The following FUS variants were observed in gnomAD, a reference collection of about 807,000 sequenced individuals.
FUS encodes RNA-binding protein FUS.
A neutral mutation model predicts 82.7 loss-of-function variants in FUS; 5 were observed. The ratio of observed to expected loss-of-function variants is 0.06; its 90% CI spans 0.03 to 0.13. FUS has a LOEUF of 0.13. FUS is among the 10% of genes least tolerant of loss of function. The pLI is 1.00. For synonymous variants in FUS, 281 were observed against 247.4 expected (o/e 1.14, Z -1.27); for missense variants, 512 against 707.8 (o/e 0.72, Z 3.14).
intron 10 of FUS, 98 bp from the exon 11 acceptor site, chr16:31,189,942 G>C: frequency 1.3e-6 from 2 of 1,560,580 alleles, no homozygotes; most frequent in South Asian, 2.3e-5. Context: ...TTATGTGTCA[G>C]CAGATTATAA....
chr16:31,187,288 A>T, intron 7 of FUS: 1 of 285,580 alleles, frequency 3.5e-6, no homozygotes, highest in Non-Finnish European at 6.8e-6. Context: ...TGCCCTGAGG[A>T]TGGTGAAGTT....
At chr16:31,190,421 C>T (rs752889122) in intron 12 of FUS, 23 bp downstream of exon 12, 2 of 1,613,806 alleles carry the variant, frequency 1.2e-6, no homozygotes, top group South Asian at 1.1e-5. Context: ...TAATTTTTTT[C>T]TTAGTTCTCT....
intron 3 of FUS, chr16:31,183,586 GATC>G (rs2079213451): frequency 2.1e-6 from 1 of 482,582 alleles, no homozygotes; most frequent in Non-Finnish European, 3.8e-6. Flanking sequence ...TGTTAACAGG[GATC>G]CTTGGGCCTG....
In FUS at chr16:31,189,021, C is replaced by T. The variant is rs1321844137; in HGVS notation, c.833-102C>T. Reference sequence around the variant, plus strand: ...TTCTTTTTAGTTGTCTTCCATAAACCAAATGATACCAGTTGCTTGATGGAT... The same window carrying T: ...TTCTTTTTAGTTGTCTTCCATAAACTAAATGATACCAGTTGCTTGATGGAT... On this transcript the variant is annotated intron_variant, in intron 8 of 14. Coordinates refer to ENST00000254108, the MANE Select transcript of FUS (RefSeq NM_004960.4). 4 of 866,926 alleles carry T rather than the reference C, an allele frequency of 4.6e-6. No homozygotes were observed. The East Asian group carries it at 9.6e-5, about 21-fold the overall frequency. The allele number at this position is 866,926 out of a possible 1,614,324, so 53.7% of individuals were successfully genotyped here. A position where few individuals can be genotyped will look rare whatever the true frequency, so the allele number is the denominator to read the frequency against.
chr16:31,191,297 TACTC>T (rs1398670410), intron 14 of FUS, 98 bp from the exon 15 acceptor site: 2 of 1,524,790 alleles, frequency 1.3e-6, no homozygotes, highest in African/African-American at 2.8e-5. Flanking sequence ...TGAGATAAGA[TACTC>T]GCTGGGTTAG....
chr16:31,190,175 A>C (rs1394613952), intron 11 of FUS, 34 bp downstream of exon 11: 5 of 1,613,750 alleles, frequency 3.1e-6, no homozygotes, highest in Non-Finnish European at 3.4e-6. Flanking sequence ...GCAGAGGGGT[A>C]ATGGGGAGAG....
intron 11 of FUS, 34 bp from the exon 12 acceptor site, chr16:31,190,241 G>A (rs2079333034): frequency 1.2e-6 from 2 of 1,613,828 alleles, no homozygotes; most frequent in Non-Finnish European, 1.7e-6. Flanking sequence ...AACTTGGAGA[G>A]GGAGCAGACC....
In FUS at chr16:31,183,726, T is replaced by C. The variant is rs566703226; in HGVS notation, c.191-132T>C. On this transcript the variant is annotated intron_variant, in intron 3 of 14. Coordinates refer to ENST00000254108, the MANE Select transcript of FUS (RefSeq NM_004960.4). ...AAAGGAGGGTAACTATCTTTGCCTA[T>C]GAGTTGCAACATCACTAACAGCTTC... 1.5e-4 allele frequency: 162 copies of C among 1,071,248 alleles called. 4 individuals are homozygous for C. The South Asian group carries it at 1.7e-3, about 11-fold the overall frequency. The allele number at this position is 1,071,248 out of a possible 1,614,324, so 66.4% of individuals were successfully genotyped here.
chr16:31,188,015 T>A, intron 7 of FUS: 1 of 471,898 alleles, frequency 2.1e-6, no homozygotes, highest in Non-Finnish European at 3.8e-6. Flanking sequence ...TTAATGGGTC[T>A]CCGTTTCCCC....
chr16:31,193,625 G>A (rs2144153091), downstream of FUS: 1 of 529,498 alleles, frequency 1.9e-6, no homozygotes, highest in Admixed American at 2.2e-5. Context: ...GACCTTAAAA[G>A]GAAATAGGGT....
chr16:31,181,565 C>T (rs976756769), intron 1 of FUS, among the ~76,000 whole-genome samples: 1 of 152,196 alleles, frequency 6.6e-6, no homozygotes, highest in Non-Finnish European at 1.5e-5. Context: ...AAAAAGCCCA[C>T]TTCATCTCCG....
At chr16:31,182,978 G>A in intron 3 of FUS, 1 of 394,548 alleles carries the variant, frequency 2.5e-6, no homozygotes, top group African/African-American at 2.0e-5. Context: ...CAAAGTGCTG[G>A]GATTACAGGC....
intron 5 of FUS, 78 bp downstream of exon 5, chr16:31,184,474 GTC>G: frequency 2.2e-6 from 3 of 1,333,760 alleles, no homozygotes; most frequent in South Asian, 1.3e-5. Context: ...GTCTTGCTCT[GTC>G]TCTGTTGCTG....
rs181859716 is a variant in FUS at position 31,190,264 on chromosome 16, A to G, written c.1169-11A>G. The G allele has an allele frequency of 6.5e-5, 105 of 1,614,136 alleles. No homozygotes were observed. In the Admixed American group the frequency reaches 7.5e-4, roughly 12 times the overall value. ...GAGGGAGCAGACCCATACTTGGTCT[A>G]TCTGCATTAGGACCCATGGGCCGTG... On this transcript the variant is annotated splice_polypyrimidine_tract_variant and intron_variant, in intron 11 of 14. Transcript: ENST00000254108.
intron 3 of FUS, chr16:31,183,033 G>A: frequency 3.0e-6 from 1 of 330,824 alleles, no homozygotes; most frequent in Non-Finnish European, 5.9e-6. Context: ...AACCTGAGCA[G>A]CACTGAGATG....
intron 6 of FUS, 69 bp from the exon 7 acceptor site, chr16:31,186,722 GAATGTTAAACA>G: frequency 7.3e-7 from 1 of 1,361,970 alleles, no homozygotes; most frequent in Non-Finnish European, 1.1e-6. Flanking sequence ...CATGTTTGGG[GAATGTTAAACA>G]AAATCAAAAA....
At chr16:31,187,002 C>G in intron 7 of FUS, 166 bp downstream of exon 7, 1 of 715,434 alleles carries the variant, frequency 1.4e-6, no homozygotes. Context: ...CTGGTGTGTG[C>G]TAACCTGGAG....
intron 7 of FUS, chr16:31,187,371 C>T (rs1306634102): frequency 4.2e-6 from 1 of 238,504 alleles, no homozygotes. Flanking sequence ...CTGAGATGGG[C>T]AAATAGAAAC....
chr16:31,182,777 T>G (rs759490718), intron 3 of FUS, 113 bp downstream of exon 3: 24 of 1,321,866 alleles, frequency 1.8e-5, no homozygotes, highest in Non-Finnish European at 2.2e-6. Flanking sequence ...AGTGCAGTGG[T>G]GCTGTCTCAG....
Sources: gnomAD v4.1 joint callset for allele counts (sites outside exome capture counted in the v4.1 genomes callset) on GRCh38, gnomAD v4.1.1 for gene constraint, MANE v1.5 for transcripts, NCBI Gene and HGNC (gene_info 2026-07-23, HGNC 2026-07-21) for gene names.